Variants in AP2S1 observed in about 807,000 individuals in gnomAD.
AP2S1 encodes the protein AP-2 complex subunit sigma.
A neutral mutation model predicts 21.0 loss-of-function variants in AP2S1; 6 were observed. That is an observed-to-expected ratio of 0.29 (90% CI 0.16 to 0.56). The LOEUF (loss-of-function observed/expected upper bound fraction) is 0.56, where lower values mean the gene tolerates loss of function less well. Among genes scored for constraint, AP2S1 ranks in the 20% least tolerant of loss-of-function variants. The pLI, the probability that AP2S1 is intolerant of heterozygous loss-of-function variation, is 0.92. For synonymous variants in AP2S1, 63 were observed against 74.6 expected (o/e 0.84, Z 0.80); for missense variants, 60 against 186.2 (o/e 0.32, Z 3.95).
chr19:46,844,299 CTCTT>C (rs1410109894), intron 2 of AP2S1, among the ~76,000 whole-genome samples: 1 of 152,182 alleles, frequency 6.6e-6, no homozygotes, highest in Non-Finnish European at 1.5e-5. Flanking sequence ...GTTATCTTCT[CTCTT>C]TCATCTCCTC....
chr19:46,844,125 G>A (rs1057376749), intron 2 of AP2S1, among the ~76,000 whole-genome samples: 2 of 151,860 alleles, frequency 1.3e-5, no homozygotes, highest in Non-Finnish European at 2.9e-5. Flanking sequence ...TGGTCAGGCT[G>A]GTCTCCTGAC....
At chr19:46,845,102 A>AG (rs1165065739) in intron 2 of AP2S1, among the ~76,000 whole-genome samples, 2 of 144,976 alleles carry the variant, frequency 1.4e-5, no homozygotes, top group Non-Finnish European at 3.0e-5. Context: ...CCATTTCAGA[A>AG]AAAAAAAAAA....
At chr19:46,839,438 C>CCCCCAAAAAAAA in intron 3 of AP2S1, 27 bp downstream of exon 3, 2 of 1,577,400 alleles carry the variant, frequency 1.3e-6, no homozygotes, top group Non-Finnish European at 1.7e-6. Context: ...ACCCGCCTCC[C>CCCCCAAAAAAAA]CACCTTACAT....
In AP2S1 at chr19:46,850,802, C is replaced by G; in HGVS notation, c.-36G>C. ...GTCCAGACCCCAGCGGCCCCGGTCCCGCGGCGACTGGGCAGCTCCGGCTCA... is the reference window on the plus strand; with the variant it reads ...GTCCAGACCCCAGCGGCCCCGGTCCGGCGGCGACTGGGCAGCTCCGGCTCA... On this transcript the variant is annotated 5_prime_UTR_variant, in exon 1 of 5. Coordinates refer to ENST00000263270, the MANE Select transcript of AP2S1 (RefSeq NM_004069.6). 4.5e-6 allele frequency: 7 copies of G among 1,549,492 alleles called. No homozygotes were observed. The highest frequency in any genetic ancestry group is 6.1e-6 in the Non-Finnish European group (7 of 1,147,968).
chr19:46,843,777 C>T (rs950883394), intron 2 of AP2S1, among the ~76,000 whole-genome samples: 1 of 152,056 alleles, frequency 6.6e-6, no homozygotes, highest in Non-Finnish European at 1.5e-5. Flanking sequence ...GCCTGTAGTC[C>T]CAGCCACTTG....
Position 46,839,434 on chromosome 19 carries a change from CT to C in AP2S1, c.267+30del, listed in dbSNP as rs773628600. 16 of 1,508,078 alleles carry C rather than the reference CT, an allele frequency of 1.1e-5. No individual in the cohort carries two copies. In the Admixed American group the frequency reaches 2.2e-4, roughly 21 times the overall value. 93.4% of individuals were successfully genotyped at this position (1,508,078 alleles called of 1,614,324 possible). A position where few individuals can be genotyped will look rare whatever the true frequency, so the allele number is the denominator to read the frequency against. The stretch of plus-strand genomic sequence containing the variant: ...GGCCACTCCAGGGCTGCCCACCCGC[CT>C]CCCCACCTTACATCCCTCTCCCGCC... On this transcript the variant is annotated intron_variant, in intron 3 of 4. Transcript: ENST00000263270.
chr19:46,847,559 T>C lies in AP2S1; in HGVS notation c.4-1417A>G, dbSNP rs1394182767. Among the ~76,000 whole-genome samples, 3 of 152,048 alleles carry C rather than the reference T, an allele frequency of 2.0e-5. No homozygotes were observed. In the East Asian group the frequency reaches 5.8e-4, roughly 29 times the overall value. ...TTTATTATCTAATACCAGAACATTT[T>C]CATCATCTCCCCCCAAAAAACTCCC... On this transcript the variant is annotated intron_variant, in intron 1 of 4. Coordinates refer to ENST00000263270, the MANE Select transcript of AP2S1 (RefSeq NM_004069.6).
intron 2 of AP2S1, among the ~76,000 whole-genome samples, chr19:46,842,666 C>A (rs571806398): frequency 6.6e-6 from 1 of 152,212 alleles, no homozygotes; most frequent in Non-Finnish European, 1.5e-5. Flanking sequence ...CAGGACCAGC[C>A]ACTACATTAG....
intron 2 of AP2S1, 64 bp downstream of exon 2, chr19:46,845,929 C>A: frequency 1.2e-6 from 2 of 1,602,812 alleles, no homozygotes; most frequent in Non-Finnish European, 8.5e-7. Flanking sequence ...AGAAGCTGGG[C>A]AGGGAGTGGC....
In AP2S1 at chr19:46,838,438, C is replaced by T. The variant is rs545650373; in HGVS notation, c.*9G>A. On this transcript the variant is annotated 3_prime_UTR_variant, in exon 5 of 5. Transcript: ENST00000263270. The surrounding 1 kb of genome is among the most constrained non-coding windows in gnomAD (Gnocchi z 4.1). ...GAGGGGCCGGGGCCGGGGTGGGGCTCGCCTGCCCTCACTCCAGGGACTGTA... is the reference window on the plus strand; with the variant it reads ...GAGGGGCCGGGGCCGGGGTGGGGCTTGCCTGCCCTCACTCCAGGGACTGTA... 7.4e-6 allele frequency: 12 copies of T among 1,613,838 alleles called. No homozygotes were observed. The highest frequency in any genetic ancestry group is 5.5e-5 in the South Asian group (5 of 91,082).
chr19:46,846,187 G>A (rs761879216), intron 1 of AP2S1, 45 bp from the exon 2 acceptor site: 1 of 1,609,192 alleles, frequency 6.2e-7, no homozygotes, highest in Non-Finnish European at 8.5e-7. Context: ...GAGGCAGAGA[G>A]GGCGGGTTGG....
chr19:46,844,203 G>A lies in AP2S1; in HGVS notation c.153+1790C>T, dbSNP rs534680734. On this transcript the variant is annotated intron_variant, in intron 2 of 4. Coordinates refer to ENST00000263270, the MANE Select transcript of AP2S1 (RefSeq NM_004069.6). ...CAGGAGTGAGCCACCGCGCCCGGCC[G>A]GCAAAAACAACTTTTCTACGGCTCC... Among the ~76,000 whole-genome samples, 41 of 151,918 alleles carry A rather than the reference G, an allele frequency of 2.7e-4. 1 individual carries two copies. Among genetic ancestry groups the A allele is most frequent in the East Asian group, 1.4e-3 (7 of 5,118 alleles).
chr19:46,842,726 C>G (rs28705129), intron 2 of AP2S1, among the ~76,000 whole-genome samples: 3,765 of 152,250 alleles, frequency 0.025, 170 homozygotes, highest in African/African-American at 0.085. Flanking sequence ...TTCCTCTCCC[C>G]CTTCCCACCT....
At chr19:46,843,063 T>C (rs2055555870) in intron 2 of AP2S1, among the ~76,000 whole-genome samples, 2 of 152,158 alleles carry the variant, frequency 1.3e-5, no homozygotes, top group African/African-American at 4.8e-5. Flanking sequence ...CCTCCTGATC[T>C]TCACCTCCGC....
At chr19:46,840,382 A>AAT in intron 2 of AP2S1, among the ~76,000 whole-genome samples, 1 of 151,702 alleles carries the variant, frequency 6.6e-6, no homozygotes, top group East Asian at 1.9e-4. Context: ...AAAAAAAAAA[A>AAT]AAAAATCCCA....
Position 46,845,980 on chromosome 19 carries a change from G to T in AP2S1, c.153+13C>A. The stretch of plus-strand genomic sequence containing the variant: ...GAAGCAGCGGGGTGCAGGAGGCATG[G>T]AGCGGGCGTCACCTCCACAAAGTTG... On this transcript the variant is annotated intron_variant, in intron 2 of 4. Transcript: ENST00000263270. The T allele has an allele frequency of 6.2e-7, 1 of 1,614,068 alleles. No homozygotes were observed. The highest frequency in any genetic ancestry group is 8.5e-7 in the Non-Finnish European group (1 of 1,179,984).
chr19:46,848,440 C>T (rs375102997), intron 1 of AP2S1, among the ~76,000 whole-genome samples: 2 of 152,184 alleles, frequency 1.3e-5, no homozygotes, highest in African/African-American at 4.8e-5. Context: ...CTAAGTGTTA[C>T]ATAAGAACCA....
intron 2 of AP2S1, among the ~76,000 whole-genome samples, chr19:46,843,675 A>T (rs1263073831): frequency 1.3e-5 from 2 of 151,726 alleles, no homozygotes; most frequent in African/African-American, 4.8e-5. Flanking sequence ...GTGAGCTGAG[A>T]TCGCACCACT....
rs116828638 is a variant in AP2S1 at position 46,841,784 on chromosome 19, G to A, written c.154-2206C>T. Reference sequence around the variant, plus strand: ...GGACTCTGCAGTCTCAACTTGTGACGAAGTTAAGAAGCATGAGATGGGGCG... The same window carrying A: ...GGACTCTGCAGTCTCAACTTGTGACAAAGTTAAGAAGCATGAGATGGGGCG... On this transcript the variant is annotated intron_variant, in intron 2 of 4. Coordinates refer to ENST00000263270, the MANE Select transcript of AP2S1 (RefSeq NM_004069.6). Among the ~76,000 whole-genome samples, 341 of 152,356 alleles carry A rather than the reference G, an allele frequency of 2.2e-3. 1 individual carries two copies. Among genetic ancestry groups the A allele is most frequent in the African/African-American group, 7.1e-3 (297 of 41,588 alleles).
Sources: gnomAD v4.1 joint callset for allele counts (sites outside exome capture counted in the v4.1 genomes callset) on GRCh38, gnomAD v4.1.1 for gene constraint, Gnocchi (gnomAD v3.1) non-coding constraint, MANE v1.5 for transcripts, NCBI Gene and HGNC (gene_info 2026-07-23, HGNC 2026-07-21) for gene names.